TMEM38B: variants seen among roughly 807,000 people sequenced by gnomAD.
The protein encoded by TMEM38B is trimeric intracellular cation channel type B.
TMEM38B carries 24 observed loss-of-function variants against 28.7 expected under a neutral mutation model. The observed-to-expected ratio is 0.84, with a 90% CI of 0.61 to 1.18. TMEM38B has a LOEUF of 1.18. Ranked by LOEUF, TMEM38B falls within the 50% of genes most tolerant of loss-of-function variation. TMEM38B has a pLI of 0.00. For missense variants in TMEM38B, 380 were observed against 350.9 expected (o/e 1.08, Z -0.66); for synonymous variants, 131 against 127.7 (o/e 1.03, Z -0.17).
chr9:105,763,308 G>A (rs563293657), intron 5 of TMEM38B, among the ~76,000 whole-genome samples: 1 of 152,228 alleles, frequency 6.6e-6, no homozygotes, highest in East Asian at 1.9e-4. Flanking sequence ...ATTGCTTTTG[G>A]TGTTTTAGAC....
chr9:105,774,110 A>C lies in TMEM38B; in HGVS notation c.*30A>C, dbSNP rs112442819. 10 of 1,598,426 alleles carry C rather than the reference A, an allele frequency of 6.3e-6. No individual in the cohort carries two copies. The highest frequency in any genetic ancestry group is 4.1e-5 in the African/African-American group (3 of 73,304). On this transcript the variant is annotated 3_prime_UTR_variant, in exon 6 of 6. Transcript: ENST00000374692. ...ACGTGATGAGCTCTACAAGGCCAAA[A>C]ATTTTTTTTCTTATCTACCTGTTAT...
At chr9:105,763,024 T>C (rs1479088199) in intron 5 of TMEM38B, among the ~76,000 whole-genome samples, 5 of 147,982 alleles carry the variant, frequency 3.4e-5, no homozygotes, top group Non-Finnish European at 4.5e-5. Flanking sequence ...GTGAGCATTT[T>C]TTCATGTGTT....
rs188207043 is a variant in TMEM38B, at chr9:105,737,422, C to A, written c.543-10651C>A. Among the ~76,000 whole-genome samples the A allele has an allele frequency of 2.0e-5, 3 of 152,164 alleles. No homozygotes were observed. In the East Asian group the frequency reaches 5.8e-4, roughly 29 times the overall value. ...GCACTATGCAGTGGGGACTCTGGAC[C>A]CTGGGCTGGTAGTATATGGCAGAGG... On this transcript the variant is annotated intron_variant, in intron 4 of 5. Coordinates refer to ENST00000374692, the MANE Select transcript of TMEM38B (RefSeq NM_018112.3).
chr9:105,705,937 G>A (rs900328710), intron 2 of TMEM38B, among the ~76,000 whole-genome samples, 184 bp downstream of exon 2: 1 of 144,466 alleles, frequency 6.9e-6, no homozygotes, highest in Non-Finnish European at 1.5e-5. Flanking sequence ...GTCTCACTCT[G>A]TTGCCCAGGC....
intron 2 of TMEM38B, among the ~76,000 whole-genome samples, chr9:105,713,587 C>T (rs1320161175): frequency 2.0e-5 from 3 of 152,168 alleles, no homozygotes; most frequent in Non-Finnish European, 2.9e-5. Flanking sequence ...CAGGCGCTGG[C>T]CTGCAGGTGC....
At chr9:105,729,257 A>G (rs1183647028) in intron 4 of TMEM38B, among the ~76,000 whole-genome samples, 3 of 152,192 alleles carry the variant, frequency 2.0e-5, no homozygotes, top group Non-Finnish European at 4.4e-5. Context: ...TAATTTTTGT[A>G]TAAGGTGTAA....
intron 4 of TMEM38B, among the ~76,000 whole-genome samples, chr9:105,741,949 T>C (rs1481711450): frequency 6.6e-6 from 1 of 152,184 alleles, no homozygotes; most frequent in African/African-American, 2.4e-5. Context: ...TCAATTGTTA[T>C]AGCAGAAGCC....
intron 5 of TMEM38B, chr9:105,759,596 A>G: frequency 6.4e-7 from 1 of 1,560,002 alleles, no homozygotes; most frequent in Non-Finnish European, 8.8e-7. Context: ...GGAATTGTAG[A>G]TGTGTCAGGG....
chr9:105,731,910 T>C (rs1384171915), intron 4 of TMEM38B, among the ~76,000 whole-genome samples: 1 of 152,210 alleles, frequency 6.6e-6, no homozygotes, highest in Admixed American at 6.5e-5. Context: ...TGAACTAGTT[T>C]ACAGTCCCAC....
At chr9:105,754,089 A>G (rs1837750517) in intron 5 of TMEM38B, among the ~76,000 whole-genome samples, 2 of 152,252 alleles carry the variant, frequency 1.3e-5, no homozygotes, top group South Asian at 4.1e-4. Flanking sequence ...ATAATGGTAA[A>G]GGATTCTAAA....
chr9:105,768,076 T>C (rs529079952), intron 5 of TMEM38B, among the ~76,000 whole-genome samples: 12 of 152,258 alleles, frequency 7.9e-5, no homozygotes, highest in Admixed American at 6.5e-4. Flanking sequence ...CTTATAGATA[T>C]CCTTTATGAG....
At chr9:105,758,436 A>C in intron 5 of TMEM38B, 2 of 1,390,786 alleles carry the variant, frequency 1.4e-6, no homozygotes, top group Non-Finnish European at 2.0e-6. Context: ...ACAACACTTT[A>C]AAAAATATGG....
chr9:105,773,851 C>CT lies in TMEM38B; in HGVS notation c.661-8dup, dbSNP rs751973432. ...ATTTGTATTTAAATTCAAAATTAAA[C>CT]TTTTTTCCCCCAGATAACCATGATG... On this transcript the variant is annotated splice_polypyrimidine_tract_variant and intron_variant, in intron 5 of 5. Transcript: ENST00000374692. 2.5e-6 allele frequency: 4 copies of CT among 1,588,740 alleles called. No homozygotes were observed. In the African/African-American group the frequency reaches 4.1e-5, roughly 16 times the overall value.
chr9:105,750,930 C>G (rs972063309), intron 5 of TMEM38B, among the ~76,000 whole-genome samples: 3 of 152,130 alleles, frequency 2.0e-5, no homozygotes, highest in African/African-American at 7.2e-5. Context: ...ACAATCTTGT[C>G]AAAAATCAGT....
At chr9:105,758,687 A>G in intron 5 of TMEM38B, 1 of 754,100 alleles carries the variant, frequency 1.3e-6, no homozygotes, top group Non-Finnish European at 2.4e-6. Flanking sequence ...GACATCCAGA[A>G]TTGAGAAAAA....
intron 5 of TMEM38B, chr9:105,760,383 A>G (rs1406794451): frequency 6.6e-6 from 5 of 757,088 alleles, no homozygotes; most frequent in Admixed American, 1.8e-5. Flanking sequence ...CAACTTATTT[A>G]CAGACTGCAG....
rs779276895 is a variant in TMEM38B at position 105,721,668 on chromosome 9, A to G, written c.401A>G (p.Asn134Ser). 2 of 1,613,500 alleles carry G rather than the reference A, an allele frequency of 1.2e-6. No individual in the cohort carries two copies. Among genetic ancestry groups the G allele is most frequent in the Non-Finnish European group, 1.7e-6 (2 of 1,179,638 alleles). Residue 134 changes from asparagine (N) to serine (S), a missense_variant, in exon 3 of 6, where the codon AAT becomes AGT. Physicochemically the swap from Asn to Ser is conservative, Grantham distance 46. Transcript: ENST00000374692. ...WKIVGGVTHA[N>S]SYYKNGWIVM... is the part of the protein sequence containing the mutation. ...ATAGTAGGTGGAGTCACACATGCTA[A>G]TAGCTATTACAAAAATGGCTGGATA...
intron 5 of TMEM38B, among the ~76,000 whole-genome samples, chr9:105,772,321 TGGG>T: frequency 6.6e-6 from 1 of 152,314 alleles, no homozygotes; most frequent in South Asian, 2.1e-4. Context: ...TCCTCCTCTT[TGGG>T]CTGTATTGAC....
intron 5 of TMEM38B, among the ~76,000 whole-genome samples, chr9:105,751,169 A>G (rs1386921224): frequency 6.6e-6 from 1 of 152,192 alleles, no homozygotes; most frequent in Non-Finnish European, 1.5e-5. Context: ...AGCACCTTCA[A>G]CTGAAATAGC....
Sources: gnomAD v4.1 joint callset for allele counts (sites outside exome capture counted in the v4.1 genomes callset) on GRCh38, gnomAD v4.1.1 for gene constraint, MANE v1.5 for transcripts, NCBI Gene and HGNC (gene_info 2026-07-23, HGNC 2026-07-21) for gene names.